SCFD2: variants seen among roughly 807,000 people sequenced by gnomAD.
SCFD2 encodes the protein sec1 family domain containing 2.
Under a neutral mutation model 58.9 loss-of-function variants are expected in SCFD2, and 54 were observed. The ratio of observed to expected loss-of-function variants is 0.92; its 90% CI spans 0.74 to 1.15. The LOEUF (loss-of-function observed/expected upper bound fraction) is 1.15. Among genes scored for constraint, SCFD2 ranks in the 50% most tolerant of loss-of-function variants. The probability of loss-of-function intolerance (pLI) is 0.00; values close to 1 mark genes in which losing one functional copy is unlikely to be tolerated. For synonymous variants in SCFD2, 321 were observed against 335.9 expected (o/e 0.96, Z 0.49); for missense variants, 805 against 836.6 (o/e 0.96, Z 0.47).
At chr4:53,090,891 A>G (rs2148866120) in intron 5 of SCFD2, among the ~76,000 whole-genome samples, 1 of 152,268 alleles carries the variant, frequency 6.6e-6, no homozygotes, top group East Asian at 1.9e-4. Context: ...AGAGGAGACA[A>G]TTGAAGTTTA....
intron 5 of SCFD2, among the ~76,000 whole-genome samples, chr4:52,999,802 C>A (rs557752978): frequency 6.6e-6 from 1 of 152,174 alleles, no homozygotes; most frequent in Non-Finnish European, 1.5e-5. Context: ...ATGATCATCA[C>A]GGTTCAAGGT....
At chr4:53,108,241 A>G (rs1725062301) in intron 5 of SCFD2, among the ~76,000 whole-genome samples, 2 of 152,246 alleles carry the variant, frequency 1.3e-5, no homozygotes, top group South Asian at 4.1e-4. Flanking sequence ...AGTGAAATTT[A>G]TAGCACTATA....
At chr4:53,327,691 A>G (rs2149126752) in intron 2 of SCFD2, among the ~76,000 whole-genome samples, 1 of 152,352 alleles carries the variant, frequency 6.6e-6, no homozygotes, top group African/African-American at 2.4e-5. Flanking sequence ...GAGCAAAGTA[A>G]GTAAATCTAC....
chr4:53,008,319 G>A (rs1722024448), intron 5 of SCFD2, among the ~76,000 whole-genome samples: 1 of 152,134 alleles, frequency 6.6e-6, no homozygotes, highest in South Asian at 2.1e-4. Context: ...TGCAGTCCAT[G>A]TAGAATGACA....
rs183862250 is a variant in SCFD2, at chr4:52,929,711, C to T, written c.1562-8841G>A. 1.1e-4 allele frequency among the ~76,000 whole-genome samples: 17 copies of T among 152,308 alleles called. No individual in the cohort carries two copies. In the East Asian group the frequency reaches 3.1e-3, roughly 28 times the overall value. ...GGGAATCCTGTTAGGGATGCAGGCA[C>T]TGGGACAAGCAGCCCTTTGATCCTG... is the stretch of plus-strand genomic sequence containing the variant. On this transcript the variant is annotated intron_variant, in intron 5 of 8. Coordinates refer to ENST00000401642, the MANE Select transcript of SCFD2 (RefSeq NM_152540.4).
At chr4:53,330,189 G>A (rs1405733603) in intron 2 of SCFD2, among the ~76,000 whole-genome samples, 2 of 152,178 alleles carry the variant, frequency 1.3e-5, no homozygotes, top group Non-Finnish European at 2.9e-5. Context: ...TTATCCAGGA[G>A]AACTTCCCCA....
chr4:53,179,625 G>C (rs1727472219), intron 4 of SCFD2, among the ~76,000 whole-genome samples: 1 of 152,138 alleles, frequency 6.6e-6, no homozygotes, highest in African/African-American at 2.4e-5. Context: ...ACATCATAAT[G>C]ACAGGATCAA....
chr4:53,232,793 A>T (rs1478167399), intron 4 of SCFD2, among the ~76,000 whole-genome samples: 4 of 152,178 alleles, frequency 2.6e-5, no homozygotes, highest in Non-Finnish European at 5.9e-5. Context: ...GGAGAAAAAA[A>T]CCAGACAGAC....
chr4:53,242,043 T>G (rs1729910023), intron 4 of SCFD2, among the ~76,000 whole-genome samples: 1 of 152,234 alleles, frequency 6.6e-6, no homozygotes, highest in African/African-American at 2.4e-5. Flanking sequence ...ACACAAGCTG[T>G]GCTGCCATTG....
intron 5 of SCFD2, among the ~76,000 whole-genome samples, chr4:53,065,710 A>G (rs1474984828): frequency 4.6e-5 from 7 of 152,190 alleles, no homozygotes; most frequent in African/African-American, 1.7e-4. Flanking sequence ...TTCTGTTACC[A>G]TATCTTATCA....
At chr4:53,302,214 C>A (rs190022510) in intron 3 of SCFD2, among the ~76,000 whole-genome samples, 4 of 152,250 alleles carry the variant, frequency 2.6e-5, no homozygotes, top group African/African-American at 7.2e-5. Context: ...ATCATCTGAG[C>A]CCAAAATCTC....
chr4:53,298,786 C>G (rs1732151273), intron 3 of SCFD2, among the ~76,000 whole-genome samples: 1 of 152,158 alleles, frequency 6.6e-6, no homozygotes, highest in African/African-American at 2.4e-5. Context: ...TTGCAGTTCA[C>G]CAATATCCGC....
chr4:53,296,454 G>A (rs1044732785), intron 3 of SCFD2, among the ~76,000 whole-genome samples: 8 of 152,094 alleles, frequency 5.3e-5, no homozygotes, highest in Admixed American at 2.0e-4. Flanking sequence ...TCCGATGGTA[G>A]ATTGTATGTC....
At chr4:53,201,425 T>G (rs906379283) in intron 4 of SCFD2, among the ~76,000 whole-genome samples, 18 of 152,210 alleles carry the variant, frequency 1.2e-4, no homozygotes, top group Non-Finnish European at 2.2e-4. Flanking sequence ...AGTCTATCAT[T>G]GTTGGACATT....
chr4:53,007,907 T>A (rs1052962665), intron 5 of SCFD2, among the ~76,000 whole-genome samples: 1 of 152,184 alleles, frequency 6.6e-6, no homozygotes, highest in Non-Finnish European at 1.5e-5. Flanking sequence ...AAGAAGAGCT[T>A]CATGCTGAAC....
intron 4 of SCFD2, among the ~76,000 whole-genome samples, chr4:53,202,451 A>G (rs941318067): frequency 2.0e-5 from 3 of 150,910 alleles, no homozygotes; most frequent in African/African-American, 7.3e-5. Flanking sequence ...GTTTGAAGTC[A>G]GGTAGCATGA....
At chr4:53,118,865 G>A (rs188476853) in intron 5 of SCFD2, among the ~76,000 whole-genome samples, 221 of 152,016 alleles carry the variant, frequency 1.5e-3, no homozygotes, top group African/African-American at 5.0e-3. Flanking sequence ...AAAATAAAAG[G>A]CTTTTGTTTC....
chr4:53,361,271 C>A (rs747785106), intron 1 of SCFD2, among the ~76,000 whole-genome samples: 1 of 152,196 alleles, frequency 6.6e-6, no homozygotes, highest in East Asian at 1.9e-4. Flanking sequence ...ATCTGGCTAA[C>A]TAACTCTTAT....
In SCFD2 at chr4:53,365,215, T is replaced by C. The variant is rs1186910481; in HGVS notation, c.727A>G (p.Ser243Gly). 1 of 1,614,142 alleles carries C rather than the reference T, an allele frequency of 6.2e-7. No homozygotes were observed. The highest frequency in any genetic ancestry group is 1.7e-5 in the Admixed American group (1 of 60,020). ...REECFAVGSL[S>G]QVIAADLANY... is the part of the protein sequence containing the mutation. ...GCCAGATCCGCAGCGATGACCTGAC[T>C]TAAGGAACCTACAGCAAAACACTCC... Residue 243 changes from serine (S) to glycine (G), a missense_variant, in exon 1 of 9, where the codon AGT becomes GGT. Around this residue, in one of 3 missense-constraint regions of SCFD2, gnomAD observed 633 missense variants for 646.8 expected, o/e 0.98. Coordinates refer to ENST00000401642, the MANE Select transcript of SCFD2 (RefSeq NM_152540.4). The surrounding 1 kb of genome is among the most constrained non-coding windows in gnomAD (Gnocchi z 4.3).
Sources: gnomAD v4.1 joint callset for allele counts (sites outside exome capture counted in the v4.1 genomes callset) on GRCh38, gnomAD v4.1.1 for gene constraint, gnomAD v4.1.1 regional missense constraint, Gnocchi (gnomAD v3.1) non-coding constraint, MANE v1.5 for transcripts, NCBI Gene and HGNC (gene_info 2026-07-23, HGNC 2026-07-21) for gene names.